The following MGAT5 variants were observed in gnomAD, a reference collection of about 807,000 sequenced individuals.
MGAT5 encodes the protein alpha-1,6-mannosylglycoprotein 6-beta-N-acetylglucosaminyltransferase, also known as alpha-1,6-mannosylglycoprotein 6-beta-N-acetylglucosaminyltransferase A.
MGAT5 carries 30 observed loss-of-function variants against 94.3 expected under a neutral mutation model. The ratio of observed to expected loss-of-function variants is 0.32; its 90% CI spans 0.24 to 0.43. MGAT5 has a LOEUF of 0.43. Among genes scored for constraint, MGAT5 ranks in the 20% least tolerant of loss-of-function variants. The pLI, the probability that MGAT5 is intolerant of heterozygous loss-of-function variation, is 1.00. For synonymous variants in MGAT5, 310 were observed against 322.9 expected, an observed-to-expected ratio of 0.96 and a Z score of 0.43; for missense variants, 691 against 905.5, an observed-to-expected ratio of 0.76 and a Z score of 3.04.
At chr2:134,201,307 T>C (rs995725741) in intron 1 of MGAT5, among the ~76,000 whole-genome samples, 1 of 152,074 alleles carries the variant, frequency 6.6e-6, no homozygotes, top group African/African-American at 2.4e-5. Context: ...GGAAGAACTA[T>C]CTTTTGTTCT....
chr2:134,218,286 G>A (rs937744597), intron 1 of MGAT5, among the ~76,000 whole-genome samples: 5 of 152,136 alleles, frequency 3.3e-5, no homozygotes, highest in African/African-American at 1.2e-4. Context: ...CAGCCTCCTA[G>A]GAACTTCACT....
chr2:134,368,067 G>T (rs921953964), intron 10 of MGAT5, among the ~76,000 whole-genome samples: 1 of 152,166 alleles, frequency 6.6e-6, no homozygotes, highest in African/African-American at 2.4e-5. Flanking sequence ...CCAGAACCAG[G>T]GTCAGGCTCT....
rs34029606 is a variant in MGAT5 at position 134,247,359 on chromosome 2, T to TAAAAAAA, written c.-142-6894_-142-6888dup. Among the ~76,000 whole-genome samples the TAAAAAAA allele has an allele frequency of 2.5e-4, 23 of 91,464 alleles. 1 individual carries two copies. Among genetic ancestry groups the TAAAAAAA allele is most frequent in the Non-Finnish European group, 4.2e-4 (19 of 45,298 alleles). 60.0% of individuals were successfully genotyped at this position (91,464 alleles called of 152,430 possible). A position where few individuals can be genotyped will look rare whatever the true frequency, so the allele number is the denominator to read the frequency against. On this transcript the variant is annotated intron_variant, in intron 1 of 16. Coordinates refer to the MGAT5 transcript ENST00000409645. ...TGTGAATAGATACCTGGGCCTGAATTAAAAAAAAAAAAAAACAAAAAAAAA... is the reference window on the plus strand; with the variant it reads ...TGTGAATAGATACCTGGGCCTGAATTAAAAAAAAAAAAAAAAAAAAAACAAAAAAAAA...
At chr2:134,176,388 G>A (rs749359913) in intron 1 of MGAT5, among the ~76,000 whole-genome samples, 4 of 151,862 alleles carry the variant, frequency 2.6e-5, no homozygotes, top group South Asian at 2.1e-4. Flanking sequence ...CCTGGCCAAC[G>A]TGGTGAAACC....
rs1688440219 is a variant in MGAT5 at position 134,338,247 on chromosome 2, T to G, written c.646-12T>G. 6.4e-7 allele frequency: 1 copy of G among 1,571,202 alleles called. No individual in the cohort carries two copies. The highest frequency in any genetic ancestry group is 8.6e-7 in the Non-Finnish European group (1 of 1,158,320). ...TTATCTTCTATTCATTTTATTAAAT[T>G]TCTGTTGCTAGGCGGAAATTCGTAC... On this transcript the variant is annotated splice_polypyrimidine_tract_variant and intron_variant, in intron 5 of 15. Transcript: ENST00000281923.
At chr2:134,265,459 C>T (rs1440624654) in intron 1 of MGAT5, among the ~76,000 whole-genome samples, 1 of 152,170 alleles carries the variant, frequency 6.6e-6, no homozygotes, top group Admixed American at 6.5e-5. Flanking sequence ...GAAAACTTAA[C>T]AGAAGCTGTC....
chr2:134,201,916 G>C (rs16830202), intron 1 of MGAT5, among the ~76,000 whole-genome samples: 2,793 of 140,490 alleles, frequency 0.02, 107 homozygotes, highest in African/African-American at 0.069. Flanking sequence ...ATGCTAATAT[G>C]TAGTTTGCTA....
intron 1 of MGAT5, among the ~76,000 whole-genome samples, chr2:134,230,013 AG>A (rs756025352): frequency 4.6e-5 from 7 of 152,256 alleles, no homozygotes; most frequent in Non-Finnish European, 1.5e-5. Flanking sequence ...TCAAAAAGAC[AG>A]ATGGGAAAGA....
intron 1 of MGAT5, among the ~76,000 whole-genome samples, chr2:134,122,848 G>GT (rs1476032826): frequency 6.6e-6 from 1 of 152,282 alleles, no homozygotes; most frequent in African/African-American, 2.4e-5. Context: ...GGCAGGAGGG[G>GT]TGGAGGGCTC....
intron 1 of MGAT5, among the ~76,000 whole-genome samples, chr2:134,178,738 C>T (rs1329558517): frequency 6.6e-6 from 1 of 152,158 alleles, no homozygotes; most frequent in Non-Finnish European, 1.5e-5. Context: ...GATTCCCTTC[C>T]CCCGTGCCAC....
chr2:134,365,494 G>A (rs1680369153), intron 10 of MGAT5, among the ~76,000 whole-genome samples: 1 of 152,220 alleles, frequency 6.6e-6, no homozygotes, highest in Non-Finnish European at 1.5e-5. Flanking sequence ...AAATGCGTCT[G>A]TGGCAGGAGG....
At chr2:134,218,034 G>C (rs1220539225) in intron 1 of MGAT5, among the ~76,000 whole-genome samples, 7 of 152,232 alleles carry the variant, frequency 4.6e-5, no homozygotes, top group African/African-American at 1.7e-4. Context: ...GAAGGTGTCA[G>C]TGGAAATGAG....
intron 5 of MGAT5, among the ~76,000 whole-genome samples, chr2:134,337,951 G>C (rs1688423042): frequency 6.6e-6 from 1 of 152,146 alleles, no homozygotes; most frequent in Non-Finnish European, 1.5e-5. Context: ...AGAATTTCAA[G>C]GTACATCAAC....
intron 1 of MGAT5, among the ~76,000 whole-genome samples, chr2:134,150,755 TAATAG>T (rs777055706): frequency 1.3e-5 from 2 of 152,224 alleles, no homozygotes; most frequent in Non-Finnish European, 2.9e-5. Context: ...CAAGGAAACA[TAATAG>T]AATACAGTTA....
chr2:134,218,462 C>T (rs989061014), intron 1 of MGAT5, among the ~76,000 whole-genome samples: 13 of 152,080 alleles, frequency 8.5e-5, no homozygotes, highest in Non-Finnish European at 7.4e-5. Context: ...ACTACTGATG[C>T]AGGGGGCAGG....
At chr2:134,435,105 G>C (rs964629208) in intron 14 of MGAT5, among the ~76,000 whole-genome samples, 2 of 152,138 alleles carry the variant, frequency 1.3e-5, no homozygotes, top group Non-Finnish European at 2.9e-5. Context: ...TGCTCCTGCA[G>C]TCTGTTCCCA....
chr2:134,419,111 C>G (rs1401765961), intron 12 of MGAT5, among the ~76,000 whole-genome samples: 1 of 152,196 alleles, frequency 6.6e-6, no homozygotes, highest in Non-Finnish European at 1.5e-5. Context: ...TACACCCACA[C>G]AAATCTTTCA....
chr2:134,407,048 G>A (rs1299680670), intron 11 of MGAT5, among the ~76,000 whole-genome samples: 1 of 152,168 alleles, frequency 6.6e-6, no homozygotes, highest in African/African-American at 2.4e-5. Flanking sequence ...GAAAGAAGGA[G>A]TCAAAATGAA....
At chr2:134,400,857 A>C (rs1203977409) in intron 10 of MGAT5, among the ~76,000 whole-genome samples, 3 of 152,212 alleles carry the variant, frequency 2.0e-5, no homozygotes, top group Non-Finnish European at 2.9e-5. Context: ...GCCTCCTTGT[A>C]GATGAGTGAA....
Sources: gnomAD v4.1 joint callset for allele counts (sites outside exome capture counted in the v4.1 genomes callset) on GRCh38, gnomAD v4.1.1 for gene constraint, MANE v1.5 for transcripts, NCBI Gene and HGNC (gene_info 2026-07-23, HGNC 2026-07-21) for gene names.